Variants in MYO16 observed in about 807,000 individuals in gnomAD.
The protein encoded by MYO16 is myosin XVI, also known as unconventional myosin-XVI.
In MYO16, 94 loss-of-function variants were observed where a neutral mutation model predicts 205.3. The ratio of observed to expected loss-of-function variants is 0.46; its 90% CI spans 0.39 to 0.54. MYO16 has a LOEUF of 0.54. MYO16 is among the 20% of genes least tolerant of loss of function. The pLI is 0.00. For missense variants in MYO16, 2,315 were observed against 2,387.5 expected (o/e 0.97, Z 0.63); for synonymous variants, 988 against 954.0 (o/e 1.04, Z -0.66).
At chr13:108,538,075 T>G in the MYO16 span, among the ~76,000 whole-genome samples, 12 of 152,144 alleles carry the variant, frequency 7.9e-5, no homozygotes, top group African/African-American at 2.9e-4. Context: ...AGTAGTAAGT[T>G]CTTTGCTGAG....
intron 27 of MYO16, among the ~76,000 whole-genome samples, chr13:109,099,829 A>T (rs907729576): frequency 1.3e-5 from 2 of 152,206 alleles, no homozygotes; most frequent in Admixed American, 1.3e-4. Context: ...TCCCTCCCTT[A>T]ATTGCACTAA....
intron 1 of MYO16, among the ~76,000 whole-genome samples, chr13:108,611,892 AT>A (rs1327882522): frequency 6.7e-6 from 1 of 148,968 alleles, no homozygotes; most frequent in African/African-American, 2.5e-5. Flanking sequence ...GAAACAACTT[AT>A]TTCTGCAAAA....
At chr13:108,830,619 G>C (rs571402740) in intron 9 of MYO16, among the ~76,000 whole-genome samples, 1 of 127,068 alleles carries the variant, frequency 7.9e-6, no homozygotes, top group Admixed American at 8.4e-5. Context: ...GTGGGGTGGG[G>C]GGAGGGGGGA....
chr13:108,869,765 C>CACATAAAAAA (rs1878955511), intron 12 of MYO16, among the ~76,000 whole-genome samples: 1 of 126,846 alleles, frequency 7.9e-6, no homozygotes, highest in African/African-American at 3.0e-5. Context: ...AAAAAAGAAA[C>CACATAAAAAA]CACACATAAA....
chr13:109,142,780 G>A (rs1448363308), intron 32 of MYO16, among the ~76,000 whole-genome samples: 7 of 152,096 alleles, frequency 4.6e-5, no homozygotes, highest in Admixed American at 4.6e-4. Flanking sequence ...GTGGCCAATG[G>A]GAAACCTCTA....
At chr13:108,914,111 G>A (rs1300907015) in intron 16 of MYO16, among the ~76,000 whole-genome samples, 5 of 148,800 alleles carry the variant, frequency 3.4e-5, no homozygotes, top group Non-Finnish European at 5.9e-5. Flanking sequence ...AATAATTAGT[G>A]TATTTACTAT....
chr13:108,798,137 G>A (rs1307949690), intron 6 of MYO16, among the ~76,000 whole-genome samples: 5 of 152,128 alleles, frequency 3.3e-5, no homozygotes, highest in Non-Finnish European at 7.3e-5. Flanking sequence ...GTCTGAATTG[G>A]TTAGTCTGTA....
chr13:108,572,614 G>T, the MYO16 span, among the ~76,000 whole-genome samples: 1 of 152,088 alleles, frequency 6.6e-6, no homozygotes, highest in African/African-American at 2.4e-5. Context: ...CTGTTGCCTT[G>T]CTTTAGGTCC....
At chr13:109,012,018 A>G (rs367841709) in intron 22 of MYO16, among the ~76,000 whole-genome samples, 19 of 152,120 alleles carry the variant, frequency 1.2e-4, no homozygotes, top group African/African-American at 4.6e-4. Context: ...AAGAATTATT[A>G]TCAGAGTATC....
At chr13:109,108,254 GT>G (rs1284281233) in intron 28 of MYO16, among the ~76,000 whole-genome samples, 1 of 152,204 alleles carries the variant, frequency 6.6e-6, no homozygotes, top group African/African-American at 2.4e-5. Flanking sequence ...TGAAACTTGT[GT>G]TTGTTGAATG....
intron 16 of MYO16, among the ~76,000 whole-genome samples, chr13:108,955,997 C>T (rs994189661): frequency 6.6e-6 from 1 of 152,188 alleles, no homozygotes; most frequent in Non-Finnish European, 1.5e-5. Context: ...TCACCCACTC[C>T]CATGGTTTTA....
intron 21 of MYO16, among the ~76,000 whole-genome samples, chr13:109,003,858 C>T: frequency 6.6e-6 from 1 of 152,134 alleles, no homozygotes; most frequent in East Asian, 1.9e-4. Flanking sequence ...AGTTTTTGTA[C>T]CTACAGAGCT....
chr13:108,802,530 A>G (rs9514915), intron 6 of MYO16, among the ~76,000 whole-genome samples: 98,470 of 152,066 alleles, frequency 0.65, 33,379 homozygotes, highest in East Asian at 0.77. Context: ...ATAGTGCTGC[A>G]GTGAGCATGG....
intron 9 of MYO16, among the ~76,000 whole-genome samples, chr13:108,824,940 T>A (rs1270257557): frequency 6.6e-6 from 1 of 152,106 alleles, no homozygotes; most frequent in African/African-American, 2.4e-5. Context: ...AGAGAAAAGC[T>A]AATATCCACA....
chr13:109,154,115 T>G (rs921582202), intron 32 of MYO16, among the ~76,000 whole-genome samples: 7 of 152,252 alleles, frequency 4.6e-5, no homozygotes, highest in African/African-American at 1.7e-4. Flanking sequence ...AGAATTTGAA[T>G]CTCCATAGAT....
At chr13:108,597,905 A>G (rs1878619746) in intron 1 of MYO16, among the ~76,000 whole-genome samples, 1 of 152,230 alleles carries the variant, frequency 6.6e-6, no homozygotes, top group African/African-American at 2.4e-5. Context: ...GTATGTTTAG[A>G]AACAGGGATA....
intron 16 of MYO16, among the ~76,000 whole-genome samples, chr13:108,955,211 G>A (rs577597446): frequency 4.6e-5 from 7 of 152,148 alleles, no homozygotes; most frequent in East Asian, 1.9e-4. Context: ...TTTCTGCAGC[G>A]AGAGGCAGAC....
chr13:108,913,425 G>T (rs1034949338), intron 16 of MYO16, among the ~76,000 whole-genome samples: 2 of 152,146 alleles, frequency 1.3e-5, no homozygotes, highest in African/African-American at 4.8e-5. Flanking sequence ...TCTCACTTTT[G>T]CAATGTCGGT....
chr13:109,191,116 G>C (rs1028093911), intron 34 of MYO16, among the ~76,000 whole-genome samples: 4 of 152,126 alleles, frequency 2.6e-5, no homozygotes, highest in Admixed American at 2.0e-4. Flanking sequence ...CTACACGGGA[G>C]GCTGAGGCAG....
Sources: gnomAD v4.1 joint callset for allele counts (sites outside exome capture counted in the v4.1 genomes callset) on GRCh38, gnomAD v4.1.1 for gene constraint, MANE v1.5 for transcripts, NCBI Gene and HGNC (gene_info 2026-07-23, HGNC 2026-07-21) for gene names.